LENG9: variants seen among roughly 807,000 people sequenced by gnomAD.
The protein encoded by LENG9 is leukocyte receptor cluster member 9.
For missense variants in LENG9, 872 were observed against 652.7 expected (o/e 1.34, Z -3.66); for synonymous variants, 410 against 303.9 (o/e 1.35, Z -3.63).
chr19:54,463,576 G>C lies in LENG9; in HGVS notation c.-50C>G, dbSNP rs2084673237. The C allele has an allele frequency of 2.2e-6, 3 of 1,353,806 alleles. No homozygotes were observed. The highest frequency in any genetic ancestry group is 2.9e-6 in the Non-Finnish European group (3 of 1,045,110). 83.9% of individuals were successfully genotyped at this position (1,353,806 alleles called of 1,614,324 possible). A position where few individuals can be genotyped will look rare whatever the true frequency, so the allele number is the denominator to read the frequency against. ...CCGCGCAGACGAGGTCGCCCCGCAC[G>C]GAGGGCGGCTCCCCTTGGATGCACC... On this transcript the variant is annotated 5_prime_UTR_variant, in exon 1 of 1. Transcript: ENST00000611161.
In LENG9 at chr19:54,462,420, T is replaced by G; in HGVS notation, c.1107A>C (p.Leu369=). The G allele has an allele frequency of 6.2e-7, 1 of 1,613,448 alleles. No individual in the cohort carries two copies. Among genetic ancestry groups the G allele is most frequent in the Non-Finnish European group, 8.5e-7 (1 of 1,179,884 alleles). ...ALRRALLAPG[L]NAPPRLSFRK... is the part of the protein sequence containing the mutation. The stretch of plus-strand genomic sequence containing the variant: ...TAAAGCTCAGCCGAGGGGGTGCATT[T>G]AGCCCCGGGGCCAAGAGGGCCCGTC... Residue 369 remains leucine (L), a synonymous_variant, in exon 1 of 1, where the codon CTA becomes CTC. Coordinates refer to ENST00000611161, the MANE Select transcript of LENG9 (RefSeq NM_001301782.2).
At position 54,462,238 on chromosome 19, in the gene LENG9, A is replaced by G. The variant is rs751600933; in HGVS notation, c.1289T>C (p.Val430Ala). ...QLHPHLTVAK[V>A]PHGSQVHLPK... ...GAGGTGGACCTGGGAACCATGGGGC[A>G]CCTTGGCCACGGTGAGGTGGGGGTG... The change falls in exon 1 of 1, where the codon GTG (valine) becomes GCG (alanine). Residue 430 changes from valine to alanine, a missense_variant. By Grantham distance (64) the Val-to-Ala change is moderately conservative (BLOSUM62 0). Transcript: ENST00000611161. The G allele has an allele frequency of 6.2e-7, 1 of 1,613,026 alleles. No individual in the cohort carries two copies. Among genetic ancestry groups the G allele is most frequent in the Non-Finnish European group, 8.5e-7 (1 of 1,179,368 alleles).
chr19:54,462,007 A>T lies in LENG9; in HGVS notation c.*83T>A. 2 of 1,446,728 alleles carry T rather than the reference A, an allele frequency of 1.4e-6. No individual in the cohort carries two copies. The highest frequency in any genetic ancestry group is 2.0e-5 in the Admixed American group (1 of 49,548). The allele number at this position is 1,446,728 out of a possible 1,614,324, so 89.6% of individuals were successfully genotyped here. The stretch of plus-strand genomic sequence containing the variant: ...TGAGAGAAACCAAAATTAAAGAGAG[A>T]AAGAGAGAGCGTGCACGCTCCTGCT... On this transcript the variant is annotated 3_prime_UTR_variant, in exon 1 of 1. Coordinates refer to ENST00000611161, the MANE Select transcript of LENG9 (RefSeq NM_001301782.2).
rs1369350947 is a variant in LENG9 at position 54,462,873 on chromosome 19, C to T, written c.654G>A (p.Ala218=). 4.3e-6 allele frequency: 7 copies of T among 1,612,650 alleles called. No individual in the cohort carries two copies. The highest frequency in any genetic ancestry group is 5.9e-6 in the Non-Finnish European group (7 of 1,180,002). Residue 218 remains alanine (A), a synonymous_variant, in exon 1 of 1, where the codon GCG becomes GCA. Coordinates refer to ENST00000611161, the MANE Select transcript of LENG9 (RefSeq NM_001301782.2). The part of the protein sequence containing the change: ...PGELEAAQER[A]LGTAADLGTL... ...TTCCCAAATCAGCAGCTGTGCCCAGCGCCCTCTCCTGGGCCGCCTCCAGCT... is the reference window on the plus strand; with the variant it reads ...TTCCCAAATCAGCAGCTGTGCCCAGTGCCCTCTCCTGGGCCGCCTCCAGCT...
chr19:54,462,643 G>A lies in LENG9; in HGVS notation c.884C>T (p.Pro295Leu). ...GAGGGCCACAAAATGTGTGGGGCGC[G>A]GTTGGCAAGGGGCTGCAACACTAAG... ...ARLSVAAPCQ[P>L]RPTHFVALMV... Residue 295 changes from proline to leucine, a missense_variant, in exon 1 of 1, where the codon CCG becomes CTG. Coordinates refer to ENST00000611161, the MANE Select transcript of LENG9 (RefSeq NM_001301782.2). The A allele has an allele frequency of 1.9e-6, 3 of 1,613,212 alleles. No homozygotes were observed. The highest frequency in any genetic ancestry group is 1.1e-5 in the South Asian group (1 of 91,082).
chr19:54,461,982 TGA>T lies in LENG9; in HGVS notation c.*106_*107del, dbSNP rs1729298636. 1.5e-6 allele frequency: 2 copies of T among 1,309,170 alleles called. No homozygotes were observed. Among genetic ancestry groups the T allele is most frequent in the Non-Finnish European group, 2.2e-6 (2 of 929,006 alleles). The allele number at this position is 1,309,170 out of a possible 1,614,324, so 81.1% of individuals were successfully genotyped here. A position where few individuals can be genotyped will look rare whatever the true frequency, so the allele number is the denominator to read the frequency against. ...GAGCACTGAGCACCATTTGGAAGCT[TGA>T]GAGAAACCAAAATTAAAGAGAGAAA... is the stretch of plus-strand genomic sequence containing the variant. On this transcript the variant is annotated 3_prime_UTR_variant, in exon 1 of 1. Coordinates refer to ENST00000611161, the MANE Select transcript of LENG9 (RefSeq NM_001301782.2).
chr19:54,462,712 G>A lies in LENG9; in HGVS notation c.815C>T (p.Ala272Val), dbSNP rs1372836029. Residue 272 changes from alanine to valine, a missense_variant, in exon 1 of 1, where the codon GCC becomes GTC. Coordinates refer to ENST00000611161, the MANE Select transcript of LENG9 (RefSeq NM_001301782.2). The part of the protein sequence containing the change: ...VPGGSAETTE[A>V]EWGPAAWPED... ...GGGCCAGGCCGCAGGACCCCACTCG[G>A]CTTCTGTCGTCTCAGCGGAGCCCCC... is the stretch of plus-strand genomic sequence containing the variant. 2 of 1,610,818 alleles carry A rather than the reference G, an allele frequency of 1.2e-6. No individual in the cohort carries two copies. Among genetic ancestry groups the A allele is most frequent in the South Asian group, 2.2e-5 (2 of 91,086 alleles).
Position 54,462,447 on chromosome 19 carries a change from C to T in LENG9, c.1080G>A (p.Leu360=), listed in dbSNP as rs1293601843. Residue 360 remains leucine, a synonymous_variant, in exon 1 of 1, where the codon CTG becomes CTA. Transcript: ENST00000611161. ...GCCCCGGGGCCAAGAGGGCCCGTCTCAGAGCTCCAATGGCAGCGGCCTCCT... is the reference window on the plus strand; with the variant it reads ...GCCCCGGGGCCAAGAGGGCCCGTCTTAGAGCTCCAATGGCAGCGGCCTCCT... ...AGEEAAAIGA[L]RRALLAPGLN... is the part of the protein sequence containing the mutation. The T allele has an allele frequency of 2.5e-6, 4 of 1,613,412 alleles. No homozygotes were observed. In the African/African-American group the frequency reaches 4.0e-5, roughly 16 times the overall value.
In LENG9 at chr19:54,463,548, C is replaced by A. The variant is rs1265641648; in HGVS notation, c.-22G>T. ...CCATGGGTGCGGGGAACTGGCACGC[C>A]CGCCGCGCAGACGAGGTCGCCCCGC... On this transcript the variant is annotated 5_prime_UTR_variant, in exon 1 of 1. Transcript: ENST00000611161. 1.4e-6 allele frequency: 2 copies of A among 1,386,894 alleles called. No homozygotes were observed. Among genetic ancestry groups the A allele is most frequent in the Admixed American group, 2.8e-5 (1 of 35,376 alleles). The allele number at this position is 1,386,894 out of a possible 1,614,324, so 85.9% of individuals were successfully genotyped here. A position where few individuals can be genotyped will look rare whatever the true frequency, so the allele number is the denominator to read the frequency against.
In LENG9 at chr19:54,462,904, G is replaced by A. The variant is rs1315642086; in HGVS notation, c.623C>T (p.Pro208Leu). ...CTCCTGGGCCGCCTCCAGCTCTCCGGGTTCCTCCACGCCTGGTTCCTGGTG... is the reference window on the plus strand; with the variant it reads ...CTCCTGGGCCGCCTCCAGCTCTCCGAGTTCCTCCACGCCTGGTTCCTGGTG... ...TGHQEPGVEEPGELEAAQERA... is the reference protein window; with the variant it reads ...TGHQEPGVEELGELEAAQERA... The change falls in exon 1 of 1, where the codon CCC becomes CTC. Residue 208 changes from proline (P) to leucine (L), a missense_variant. By Grantham distance (98) the Pro-to-Leu change is moderately conservative. Transcript: ENST00000611161. The A allele has an allele frequency of 3.1e-6, 5 of 1,612,496 alleles. No individual in the cohort carries two copies. Among genetic ancestry groups the A allele is most frequent in the Non-Finnish European group, 4.2e-6 (5 of 1,179,978 alleles).
rs941573156 is a variant in LENG9, at chr19:54,463,687, C to G, written c.-161G>C. ...CGCGTGCCCTCGCGAGGACTCTGGCCCAGTCCCTCCTTGGTGGAGAGCCTG... is the reference window on the plus strand; with the variant it reads ...CGCGTGCCCTCGCGAGGACTCTGGCGCAGTCCCTCCTTGGTGGAGAGCCTG... On this transcript the variant is annotated 5_prime_UTR_variant, in exon 1 of 1. Coordinates refer to ENST00000611161, the MANE Select transcript of LENG9 (RefSeq NM_001301782.2). 1 of 968,128 alleles carries G rather than the reference C, an allele frequency of 1.0e-6. No homozygotes were observed. The allele number at this position is 968,128 out of a possible 1,614,324, so 60.0% of individuals were successfully genotyped here. A position where few individuals can be genotyped will look rare whatever the true frequency, so the allele number is the denominator to read the frequency against.
rs756654294 is a variant in LENG9 at position 54,462,179 on chromosome 19, C to A, written c.1348G>T (p.Gly450Trp). ...KLEFTLSQEV[G>W]CQPLQTLWLC... is the part of the protein sequence containing the mutation. ...CAGAGTGTCTGCAGGGGCTGGCACC[C>A]CACTTCCTGGCTGAGGGTGAACTCC... Residue 450 changes from glycine (G) to tryptophan (W), a missense_variant, in exon 1 of 1, where the codon GGG becomes TGG. Gly to Trp is a radical substitution (Grantham distance 184, BLOSUM62 -2). Transcript: ENST00000611161. The A allele has an allele frequency of 9.9e-6, 16 of 1,612,854 alleles. No individual in the cohort carries two copies. In the East Asian group the frequency reaches 2.5e-4, roughly 25 times the overall value.
rs765112378 is a variant in LENG9 at position 54,463,112 on chromosome 19, C to T, written c.415G>A (p.Ala139Thr). 3.1e-6 allele frequency: 5 copies of T among 1,600,160 alleles called. No individual in the cohort carries two copies. The highest frequency in any genetic ancestry group is 3.4e-6 in the Non-Finnish European group (4 of 1,178,446). The change falls in exon 1 of 1, where the codon GCC becomes ACC. Residue 139 changes from alanine to threonine, a missense_variant. Ala to Thr is a moderately conservative substitution (Grantham distance 58). Coordinates refer to ENST00000611161, the MANE Select transcript of LENG9 (RefSeq NM_001301782.2). ...RFRGRLVWDR[A>T]SRTDLVFGSG... is the part of the protein sequence containing the mutation. ...CCAAAGACGAGGTCGGTGCGCGAGG[C>T]GCGGTCCCACACAAGGCGGCCACGG...
Position 54,462,815 on chromosome 19 carries a change from T to A in LENG9, c.712A>T (p.Thr238Ser). 1 of 1,564,584 alleles carries A rather than the reference T, an allele frequency of 6.4e-7. No individual in the cohort carries two copies. The highest frequency in any genetic ancestry group is 1.1e-5 in the South Asian group (1 of 87,758). Reference sequence around the variant, plus strand: ...GCTGCTGTTGGCTTCAGTGCCTCAGTCACTCCGGCGAGGCGTCCTCTTGGG... The same window carrying A: ...GCTGCTGTTGGCTTCAGTGCCTCAGACACTCCGGCGAGGCGTCCTCTTGGG... Reference protein sequence around the residue: ...LAPRGRLAGVTEALKPTAATR... With the variant: ...LAPRGRLAGVSEALKPTAATR... The change falls in exon 1 of 1, where the codon ACT becomes TCT. Residue 238 changes from threonine to serine, a missense_variant. By Grantham distance (58) the Thr-to-Ser change is moderately conservative. Coordinates refer to ENST00000611161, the MANE Select transcript of LENG9 (RefSeq NM_001301782.2).
rs145517211 is a variant in LENG9 at position 54,462,549 on chromosome 19, T to G, written c.978A>C (p.Pro326=). 25 of 1,613,542 alleles carry G rather than the reference T, an allele frequency of 1.5e-5. No homozygotes were observed. The African/African-American group carries it at 3.3e-4, about 22-fold the overall frequency. The change falls in exon 1 of 1, where the codon CCA becomes CCC. Residue 326 remains proline, a synonymous_variant. Transcript: ENST00000611161. The part of the protein sequence containing the change: ...KAQEYLVHVA[P]HCANFLVPSQ... ...AGGGCACTAGGAAGTTGGCGCAGTG[T>G]GGGGCCACGTGGACCAGGTATTCCT...
At position 54,463,429 on chromosome 19, in the gene LENG9, C is replaced by T. The variant is rs1179777471; in HGVS notation, c.98G>A (p.Arg33His). 2 of 1,247,952 alleles carry T rather than the reference C, an allele frequency of 1.6e-6. No homozygotes were observed. The highest frequency in any genetic ancestry group is 3.2e-5 in the South Asian group (1 of 31,710). 77.3% of individuals were successfully genotyped at this position (1,247,952 alleles called of 1,614,324 possible). Residue 33 changes from arginine to histidine, a missense_variant, in exon 1 of 1, where the codon CGC becomes CAC. Physicochemically the swap from Arg to His is conservative, Grantham distance 29. Transcript: ENST00000611161. Reference sequence around the variant, plus strand: ...GGGCTGGCGGCAGCGGGCGCCGAAGCGGCAGCGGCCTTCCAGGAAGAAGCG... The same window carrying T: ...GGGCTGGCGGCAGCGGGCGCCGAAGTGGCAGCGGCCTTCCAGGAAGAAGCG... ...ACRFFLEGRC[R>H]FGARCRQPHP...
Position 54,462,123 on chromosome 19 carries a change from A to G in LENG9, c.1404T>C (p.Pro468=), listed in dbSNP as rs2084599656. ...WLCRIGRTGG[P]FQPLAEIPLE ...GGGGGATCTCAGCCAGGGGCTGGAA[A>G]GGCCCCCCTGTCCTCCCTATACGGC... The change falls in exon 1 of 1, where the codon CCT becomes CCC. Residue 468 remains proline, a synonymous_variant. Coordinates refer to ENST00000611161, the MANE Select transcript of LENG9 (RefSeq NM_001301782.2). 1 of 1,577,552 alleles carries G rather than the reference A, an allele frequency of 6.3e-7. No homozygotes were observed.
In LENG9 at chr19:54,462,428, G is replaced by T. The variant is rs267605668; in HGVS notation, c.1099C>A (p.Pro367Thr). 6.2e-7 allele frequency: 1 copy of T among 1,613,452 alleles called. No homozygotes were observed. The highest frequency in any genetic ancestry group is 2.2e-5 in the East Asian group (1 of 44,886). The change falls in exon 1 of 1, where the codon CCG becomes ACG. Residue 367 changes from proline (P) to threonine (T), a missense_variant. Transcript: ENST00000611161. ...AGCCGAGGGGGTGCATTTAGCCCCG[G>T]GGCCAAGAGGGCCCGTCTCAGAGCT... is the stretch of plus-strand genomic sequence containing the variant. ...IGALRRALLA[P>T]GLNAPPRLSF...
In LENG9 at chr19:54,462,280, T is replaced by C. The variant is rs762914220; in HGVS notation, c.1247A>G (p.Gln416Arg). 2 of 1,605,044 alleles carry C rather than the reference T, an allele frequency of 1.2e-6. No homozygotes were observed. Among genetic ancestry groups the C allele is most frequent in the Non-Finnish European group, 1.7e-6 (2 of 1,174,334 alleles). The change falls in exon 1 of 1, where the codon CAG (glutamine) becomes CGG (arginine). Residue 416 changes from glutamine to arginine, a missense_variant. By Grantham distance (43) the Gln-to-Arg change is conservative (BLOSUM62 1). Coordinates refer to ENST00000611161, the MANE Select transcript of LENG9 (RefSeq NM_001301782.2). Reference protein sequence around the residue: ...RLEAEGLSTLQSPGQLHPHLT... With the variant: ...RLEAEGLSTLRSPGQLHPHLT... ...GTGGGGGTGCAGCTGCCCTGGAGACTGTAGTGTACTCAGCCCCTCGGCTTC... is the reference window on the plus strand; with the variant it reads ...GTGGGGGTGCAGCTGCCCTGGAGACCGTAGTGTACTCAGCCCCTCGGCTTC...
Sources: allele counts gnomAD v4.1 joint callset, GRCh38; gene constraint gnomAD v4.1.1; transcripts MANE v1.5; gene names NCBI Gene and HGNC (gene_info 2026-07-23, HGNC 2026-07-21).